EHMT1: variants seen among roughly 807,000 people sequenced by gnomAD.
EHMT1 encodes the protein euchromatic histone lysine methyltransferase 1, also known as histone-lysine N-methyltransferase EHMT1.
A neutral mutation model predicts 147.2 loss-of-function variants in EHMT1; 15 were observed. The observed-to-expected ratio is 0.10, with a 90% confidence interval of 0.07 to 0.16. The LOEUF is 0.16. EHMT1 is among the 10% of genes least tolerant of loss of function. EHMT1 has a pLI of 1.00. For missense variants in EHMT1, 1,587 were observed against 1,772.4 expected (o/e 0.90, Z 1.88); for synonymous variants, 795 against 709.6 (o/e 1.12, Z -1.91).
At chr9:137,680,603 A>C (rs986023644) in intron 1 of EHMT1, among the ~76,000 whole-genome samples, 2 of 152,272 alleles carry the variant, frequency 1.3e-5, no homozygotes, top group Admixed American at 6.5e-5. Flanking sequence ...AGTGTTTTTC[A>C]TCAGTACTGT....
At chr9:137,669,777 T>G (rs968270003) in intron 1 of EHMT1, among the ~76,000 whole-genome samples, 2 of 152,206 alleles carry the variant, frequency 1.3e-5, no homozygotes, top group Non-Finnish European at 2.9e-5. Flanking sequence ...GTTCTTGAAC[T>G]CTTGGCCTTA....
rs1276341629 is a variant in EHMT1, at chr9:137,819,648, G to GCCGA, written c.3540+1511_3540+1512insCGAC. Among the ~76,000 whole-genome samples the GCCGA allele has an allele frequency of 1.3e-3, 110 of 85,722 alleles. 7 individuals are homozygous for GCCGA. The highest frequency in any genetic ancestry group is 2.0e-3 in the Non-Finnish European group (93 of 46,450). 56.2% of individuals were successfully genotyped at this position (85,722 alleles called of 152,430 possible). ...CGCCGTGTACCGAGACTGTAGAGAGGCTGAGGGGGGGGGCGCCGTGTGCCG... is the reference window on the plus strand; with the variant it reads ...CGCCGTGTACCGAGACTGTAGAGAGGCCGACTGAGGGGGGGGGCGCCGTGTGCCG... On this transcript the variant is annotated intron_variant, in intron 25 of 26. Transcript: ENST00000460843.
At chr9:137,721,305 CCA>C in intron 3 of EHMT1, among the ~76,000 whole-genome samples, 1 of 147,308 alleles carries the variant, frequency 6.8e-6, no homozygotes. Flanking sequence ...TCACCCCCTC[CCA>C]GACTTCTCAC....
chr9:137,743,457 A>G lies in EHMT1; in HGVS notation c.910A>G (p.Thr304Ala). Residue 304 changes from threonine to alanine, a missense_variant, in exon 5 of 27, where the codon ACC becomes GCC. Transcript: ENST00000460843. The part of the protein sequence containing the change: ...GTYSLVPKKK[T>A]KVLKQRTVIE... Reference sequence around the variant, plus strand: ...CTATAGCCTGGTTCCTAAGAAAAAGACCAAAGTATTAAAACAGAGGACGGT... The same window carrying G: ...CTATAGCCTGGTTCCTAAGAAAAAGGCCAAAGTATTAAAACAGAGGACGGT... The G allele has an allele frequency of 6.2e-7, 1 of 1,613,918 alleles. No individual in the cohort carries two copies. Among genetic ancestry groups the G allele is most frequent in the South Asian group, 1.1e-5 (1 of 91,078 alleles).
At chr9:137,816,129 A>G in intron 23 of EHMT1, 67 bp downstream of exon 23, 2 of 1,410,014 alleles carry the variant, frequency 1.4e-6, no homozygotes. Flanking sequence ...CACGGAGGTC[A>G]CCCCGACAGA....
At chr9:137,757,483 C>G (rs1949466994) in intron 8 of EHMT1, among the ~76,000 whole-genome samples, 1 of 152,242 alleles carries the variant, frequency 6.6e-6, no homozygotes, top group African/African-American at 2.4e-5. Context: ...TTCAAATCTG[C>G]AAGTTAGATT....
At chr9:137,761,833 ACT>A in intron 9 of EHMT1, among the ~76,000 whole-genome samples, 1 of 152,300 alleles carries the variant, frequency 6.6e-6, no homozygotes, top group Middle Eastern at 3.4e-3. Flanking sequence ...TTCTGCTTTG[ACT>A]GTTTAACAAA....
chr9:137,744,420 A>G (rs1948377957), intron 6 of EHMT1, among the ~76,000 whole-genome samples: 1 of 152,046 alleles, frequency 6.6e-6, no homozygotes, highest in East Asian at 1.9e-4. Flanking sequence ...CCTGGGCTCA[A>G]TGATCCTCCC....
chr9:137,820,754 T>C (rs1955347054), intron 25 of EHMT1, among the ~76,000 whole-genome samples: 2 of 152,266 alleles, frequency 1.3e-5, no homozygotes, highest in African/African-American at 4.8e-5. Context: ...AGTGTGGCTC[T>C]TGTCATAGCT....
intron 5 of EHMT1, 87 bp downstream of exon 5, chr9:137,743,615 C>T: frequency 6.3e-7 from 1 of 1,587,856 alleles, no homozygotes; most frequent in South Asian, 1.1e-5. Flanking sequence ...TTTGGGTGAC[C>T]TCAGTCCCCG....
chr9:137,788,341 C>G (rs370787889), intron 15 of EHMT1: 1 of 366,796 alleles, frequency 2.7e-6, no homozygotes, highest in South Asian at 8.7e-5. Flanking sequence ...AGGACGTTGG[C>G]GAAGGCTCCA....
At chr9:137,755,896 T>G (rs3123516) in intron 8 of EHMT1, among the ~76,000 whole-genome samples, 21,336 of 152,212 alleles carry the variant, frequency 0.14, 3,501 homozygotes, top group African/African-American at 0.4. Context: ...AAAATCTGGT[T>G]GTTTTTCTTC....
At chr9:137,817,322 A>G in intron 23 of EHMT1, 117 bp from the exon 24 acceptor site, 1 of 1,181,884 alleles carries the variant, frequency 8.5e-7, no homozygotes, top group African/African-American at 1.5e-5. Flanking sequence ...AACGCTTCGG[A>G]TACAGAACCA....
At chr9:137,707,137 T>G (rs983776013) in intron 1 of EHMT1, among the ~76,000 whole-genome samples, 5 of 152,222 alleles carry the variant, frequency 3.3e-5, no homozygotes, top group African/African-American at 1.2e-4. Flanking sequence ...TCATTTACAT[T>G]TGTATTGTAA....
intron 1 of EHMT1, among the ~76,000 whole-genome samples, chr9:137,669,052 A>T (rs1940074638): frequency 6.6e-6 from 1 of 152,068 alleles, no homozygotes; most frequent in Non-Finnish European, 1.5e-5. Flanking sequence ...GACCCCCGCT[A>T]ATTTTTCTAT....
intron 4 of EHMT1, among the ~76,000 whole-genome samples, chr9:137,729,663 G>A (rs1008054566): frequency 6.6e-6 from 1 of 152,026 alleles, no homozygotes; most frequent in Non-Finnish European, 1.5e-5. Context: ...AATAAGTCCT[G>A]TGTACCCTTT....
chr9:137,779,802 G>A, intron 14 of EHMT1, 85 bp downstream of exon 14: 1 of 1,466,338 alleles, frequency 6.8e-7, no homozygotes, highest in Non-Finnish European at 9.4e-7. Context: ...TCCTTCCTCA[G>A]GAGGCTGGTC....
chr9:137,734,804 A>G (rs1408338113), intron 4 of EHMT1, among the ~76,000 whole-genome samples: 2 of 152,236 alleles, frequency 1.3e-5, no homozygotes, highest in African/African-American at 4.8e-5. Flanking sequence ...GTATATTAAG[A>G]GTGATAAAAA....
At chr9:137,795,403 A>G (rs985197115) in intron 16 of EHMT1, among the ~76,000 whole-genome samples, 4 of 15,982 alleles carry the variant, frequency 2.5e-4, no homozygotes, top group East Asian at 0.25. Context: ...CGCAGGGTGC[A>G]CACACACACA....
Sources: gnomAD v4.1 joint callset for allele counts (sites outside exome capture counted in the v4.1 genomes callset) on GRCh38, gnomAD v4.1.1 for gene constraint, MANE v1.5 for transcripts, NCBI Gene and HGNC (gene_info 2026-07-23, HGNC 2026-07-21) for gene names.